ZNF341: variants seen among roughly 807,000 people sequenced by gnomAD.
ZNF341 encodes zinc finger protein 341.
ZNF341 carries 52 observed loss-of-function variants against 87.7 expected under a neutral mutation model. That is an observed-to-expected ratio of 0.59 (90% CI 0.47 to 0.75). The LOEUF (loss-of-function observed/expected upper bound fraction) is 0.75, where lower values mean the gene tolerates loss of function less well. Ranked by LOEUF, ZNF341 falls within the 30% of genes least tolerant of loss-of-function variation. The pLI, the probability that ZNF341 is intolerant of heterozygous loss-of-function variation, is 0.00. For synonymous variants in ZNF341, 459 were observed against 472.7 expected, an observed-to-expected ratio of 0.97 and a Z score of 0.38; for missense variants, 977 against 1,145.9, an observed-to-expected ratio of 0.85 and a Z score of 2.13.
At chr20:33,767,821 T>C (rs1004566978) in intron 9 of ZNF341, among the ~76,000 whole-genome samples, 9 of 152,182 alleles carry the variant, frequency 5.9e-5, no homozygotes, top group African/African-American at 1.9e-4. Context: ...AATCCCTAAG[T>C]AGGCAGCGTT....
Position 33,753,238 on chromosome 20 carries a change from C to T in ZNF341, c.556C>T (p.Pro186Ser), listed in dbSNP as rs1322644071. The change falls in exon 5 of 15, where the codon CCA becomes TCA. Residue 186 changes from proline (P) to serine (S), a missense_variant. Pro to Ser is a moderately conservative substitution (Grantham distance 74). Transcript: ENST00000375200. ...TQPPPPPPPP[P>S]PLPPPPPPQP... is the part of the protein sequence containing the mutation. ...GCCTCCACCTCCTCCTCCACCTCCT[C>T]CACCACTGCCCCCACCGCCACCACC... The T allele has an allele frequency of 1.9e-6, 3 of 1,611,792 alleles. No individual in the cohort carries two copies. Among genetic ancestry groups the T allele is most frequent in the Non-Finnish European group, 2.5e-6 (3 of 1,179,938 alleles).
chr20:33,744,004 C>T (rs6120363), intron 2 of ZNF341, among the ~76,000 whole-genome samples: 3,700 of 152,124 alleles, frequency 0.024, 155 homozygotes, highest in African/African-American at 0.084. Context: ...CTGGAGAGGT[C>T]GGTGCAGTGG....
At position 33,758,817 on chromosome 20, in the gene ZNF341, G is replaced by A. The variant is rs752799235; in HGVS notation, c.1028+11G>A. 1.7e-5 allele frequency: 27 copies of A among 1,612,602 alleles called. No individual in the cohort carries two copies. Among genetic ancestry groups the A allele is most frequent in the Admixed American group, 1.5e-4 (9 of 59,910 alleles). ...GCAGCACATCCGAAGGTACACATGC[G>A]TGGTGAGGCAGGTGGCTCCTGGGCA... On this transcript the variant is annotated intron_variant, in intron 7 of 14. Transcript: ENST00000375200.
intron 10 of ZNF341, among the ~76,000 whole-genome samples, chr20:33,776,085 A>AT (rs1306563688): frequency 1.3e-5 from 2 of 151,756 alleles, no homozygotes; most frequent in Admixed American, 6.6e-5. Flanking sequence ...TAATTAATTA[A>AT]TTTTTTGTTT....
chr20:33,781,234 G>A (rs933056667), intron 10 of ZNF341, 57 bp from the exon 11 acceptor site: 31 of 1,399,658 alleles, frequency 2.2e-5, no homozygotes, highest in Middle Eastern at 3.5e-4. Context: ...TGGCCGGGGC[G>A]CTGCTTCCTA....
intron 13 of ZNF341, 128 bp from the exon 14 acceptor site, chr20:33,789,390 C>T (rs1601296317): frequency 2.1e-6 from 2 of 937,718 alleles, no homozygotes; most frequent in Non-Finnish European, 3.4e-6. Context: ...GCCTCACTTC[C>T]CACCCTACCT....
intron 1 of ZNF341, among the ~76,000 whole-genome samples, chr20:33,736,927 A>G (rs1453681454): frequency 1.3e-5 from 2 of 152,184 alleles, no homozygotes; most frequent in African/African-American, 2.4e-5. Flanking sequence ...GAGAGAGTCC[A>G]GACAAAGGAA....
intron 2 of ZNF341, among the ~76,000 whole-genome samples, chr20:33,742,964 C>T (rs1166874322): frequency 6.6e-6 from 1 of 151,514 alleles, no homozygotes; most frequent in South Asian, 2.1e-4. Context: ...GTGGTGTGCA[C>T]TATGATCATG....
intron 9 of ZNF341, among the ~76,000 whole-genome samples, chr20:33,768,550 G>C (rs1181616466): frequency 5.3e-5 from 8 of 151,930 alleles, no homozygotes; most frequent in Non-Finnish European, 1.2e-4. Context: ...AGCCTCTTGA[G>C]TAGCTGGGAT....
At chr20:33,775,969 G>C (rs2019618486) in intron 10 of ZNF341, among the ~76,000 whole-genome samples, 1 of 152,058 alleles carries the variant, frequency 6.6e-6, no homozygotes, top group Non-Finnish European at 1.5e-5. Flanking sequence ...CAAAGTACTA[G>C]GATTACAGGC....
In ZNF341 at chr20:33,784,006, C is replaced by G. The variant is rs2019797478; in HGVS notation, c.1852+142C>G. The G allele has an allele frequency of 2.7e-5, 20 of 753,772 alleles. No individual in the cohort carries two copies. In the South Asian group the frequency reaches 3.2e-4, roughly 12 times the overall value. The allele number at this position is 753,772 out of a possible 1,614,324, so 46.7% of individuals were successfully genotyped here. The stretch of plus-strand genomic sequence containing the variant: ...CCCTTTTCCCTCCACTTCTCCATCT[C>G]CCTCCCCATCTCACTCAGTCCCTCC... On this transcript the variant is annotated intron_variant, in intron 12 of 14. Transcript: ENST00000375200.
intron 11 of ZNF341, 72 bp from the exon 12 acceptor site, chr20:33,783,660 C>T: frequency 4.4e-6 from 7 of 1,607,036 alleles, no homozygotes; most frequent in Non-Finnish European, 5.1e-6. Context: ...AACGAGGAAC[C>T]TTTGAGTTCA....
chr20:33,769,475 T>C (rs2019480031), intron 9 of ZNF341, among the ~76,000 whole-genome samples: 1 of 152,122 alleles, frequency 6.6e-6, no homozygotes, highest in Non-Finnish European at 1.5e-5. Context: ...CAGTATGACA[T>C]TGAAAGGGTA....
At chr20:33,747,017 G>C (rs2047806909) in intron 3 of ZNF341, among the ~76,000 whole-genome samples, 1 of 152,122 alleles carries the variant, frequency 6.6e-6, no homozygotes, top group Admixed American at 6.6e-5. Flanking sequence ...GGCCAGAGCA[G>C]AGGACAAGGC....
chr20:33,753,302 CT>C lies in ZNF341; in HGVS notation c.621del (p.Arg209ValfsTer38). The C allele has an allele frequency of 1.9e-6, 3 of 1,612,128 alleles. No individual in the cohort carries two copies. The highest frequency in any genetic ancestry group is 1.1e-5 in the South Asian group (1 of 90,942). On this transcript the variant is annotated frameshift_variant, in exon 5 of 15. Transcript: ENST00000375200. LOFTEE classifies it high-confidence loss of function. ...PPPPPQSLGP[P>X]GRPNPGGNGV... Reference sequence around the variant, plus strand: ...CCTCCACCCCAGAGCCTGGGCCCCCCTGGGCGTCCCAACCCTGGTGGGAACG... The same window carrying C: ...CCTCCACCCCAGAGCCTGGGCCCCCCGGGCGTCCCAACCCTGGTGGGAACG...
At chr20:33,774,398 A>G (rs1005051652) in intron 10 of ZNF341, among the ~76,000 whole-genome samples, 2 of 152,224 alleles carry the variant, frequency 1.3e-5, no homozygotes, top group African/African-American at 4.8e-5. Context: ...AACCCACACA[A>G]AAACAAAAAA....
rs372123243 is a variant in ZNF341, at chr20:33,755,164, C to T, written c.741+1741C>T. ...TTCACCATGATGGCCAGGCTGGTCT[C>T]GAACTCCTGGCCTCAGGTGATCTGC... On this transcript the variant is annotated intron_variant, in intron 5 of 14. Transcript: ENST00000375200. Among the ~76,000 whole-genome samples, 40 of 152,134 alleles carry T rather than the reference C, an allele frequency of 2.6e-4. 1 individual carries two copies. Among genetic ancestry groups the T allele is most frequent in the Admixed American group, 1.8e-3 (27 of 15,270 alleles).
chr20:33,788,133 C>G (rs1420013049), intron 12 of ZNF341: 1 of 152,740 alleles, frequency 6.5e-6, no homozygotes, highest in African/African-American at 2.4e-5. Flanking sequence ...AGCCAAAGTC[C>G]TGGCTGGGCG....
chr20:33,736,250 C>T (rs937920220), intron 1 of ZNF341, among the ~76,000 whole-genome samples: 1 of 151,640 alleles, frequency 6.6e-6, no homozygotes, highest in Non-Finnish European at 1.5e-5. Flanking sequence ...CTTAAGCCCC[C>T]CACCATTCTG....
Sources: allele counts gnomAD v4.1 joint callset (sites outside exome capture counted in the v4.1 genomes callset), GRCh38; gene constraint gnomAD v4.1.1; transcripts MANE v1.5; gene names NCBI Gene and HGNC (gene_info 2026-07-23, HGNC 2026-07-21).